Variants in MCC observed in about 807,000 individuals in gnomAD.
The protein encoded by MCC is MCC regulator of Wnt signaling pathway.
MCC carries 90 observed loss-of-function variants against 116.2 expected under a neutral mutation model. The observed-to-expected ratio is 0.77, with a 90% CI of 0.65 to 0.92. The LOEUF (loss-of-function observed/expected upper bound fraction) is 0.92, where lower values mean the gene tolerates loss of function less well. MCC is among the 40% of genes least tolerant of loss of function. The pLI is 0.00. For missense variants in MCC, 1,516 were observed against 1,312.2 expected (o/e 1.16, Z -2.40); for synonymous variants, 578 against 510.5 (o/e 1.13, Z -1.78).
In MCC at chr5:113,275,965, G is replaced by GTTTTTTTTT. The variant is rs1194323460; in HGVS notation, c.627+64553_627+64554insAAAAAAAAA. ...AAACATTCTAAAATTGATTTCACTT[G>GTTTTTTTTT]TTTTGTTTTTTTTTTTTTTTTTTTA... On this transcript the variant is annotated intron_variant, in intron 3 of 18. Coordinates refer to ENST00000408903, the MANE Select transcript of MCC (RefSeq NM_001085377.2). 2.5e-5 allele frequency among the ~76,000 whole-genome samples: 3 copies of GTTTTTTTTT among 121,038 alleles called. 1 individual carries two copies. The highest frequency in any genetic ancestry group is 6.7e-5 in the African/African-American group (2 of 29,736). The allele number at this position is 121,038 out of a possible 152,430, so 79.4% of individuals were successfully genotyped here.
intron 1 of MCC, among the ~76,000 whole-genome samples, chr5:113,466,367 T>C (rs1053784208): frequency 7.9e-6 from 1 of 126,042 alleles, no homozygotes; most frequent in Non-Finnish European, 1.6e-5. Context: ...CGATGTGTGA[T>C]GTTCCCCTTC....
intron 1 of MCC, among the ~76,000 whole-genome samples, chr5:113,400,667 C>T (rs1235258448): frequency 6.6e-6 from 1 of 152,122 alleles, no homozygotes; most frequent in Non-Finnish European, 1.5e-5. Context: ...TCATTTAATT[C>T]TCACAATAGC....
At chr5:113,459,258 G>T (rs1469127085) in intron 1 of MCC, among the ~76,000 whole-genome samples, 2 of 151,726 alleles carry the variant, frequency 1.3e-5, no homozygotes, top group African/African-American at 4.8e-5. Context: ...CACAGGCCAG[G>T]TGCGGTGGCT....
intron 3 of MCC, among the ~76,000 whole-genome samples, chr5:113,297,342 G>C (rs968590236): frequency 6.6e-6 from 1 of 151,988 alleles, no homozygotes; most frequent in African/African-American, 2.4e-5. Flanking sequence ...GTCTCTACTA[G>C]GATCATGAGG....
chr5:113,254,489 GAC>G lies in MCC; in HGVS notation c.627+86028_627+86029del, dbSNP rs575133670. ...TAAATTATAGTTTTGAGAGAATGAA[GAC>G]AAATATTACTTCTGTAAATGAGAAA... is the stretch of plus-strand genomic sequence containing the variant. On this transcript the variant is annotated intron_variant, in intron 3 of 18. Coordinates refer to ENST00000408903, the MANE Select transcript of MCC (RefSeq NM_001085377.2). Among the ~76,000 whole-genome samples the G allele has an allele frequency of 1.4e-4, 21 of 152,258 alleles. No individual in the cohort carries two copies. The South Asian group carries it at 4.4e-3, about 32-fold the overall frequency.
chr5:113,095,452 T>A (rs943739849), intron 8 of MCC, among the ~76,000 whole-genome samples: 2 of 152,174 alleles, frequency 1.3e-5, no homozygotes, highest in Non-Finnish European at 2.9e-5. Context: ...AAAATGTGCA[T>A]AAATCATCAC....
intron 3 of MCC, among the ~76,000 whole-genome samples, chr5:113,161,618 T>TTA (rs1554060606): frequency 5.2e-5 from 6 of 115,252 alleles, no homozygotes; most frequent in African/African-American, 1.8e-4. Flanking sequence ...AGGTTTAGAT[T>TTA]TATGTGTGTG....
At chr5:113,231,288 T>C (rs1270118477) in intron 3 of MCC, among the ~76,000 whole-genome samples, 1 of 152,182 alleles carries the variant, frequency 6.6e-6, no homozygotes, top group Admixed American at 6.5e-5. Context: ...AATTTCTTAA[T>C]GTCACACTTC....
chr5:113,292,997 G>C (rs1406060153), intron 3 of MCC, among the ~76,000 whole-genome samples: 2 of 152,094 alleles, frequency 1.3e-5, no homozygotes, highest in Admixed American at 6.6e-5. Flanking sequence ...CTCACTCTCA[G>C]CATTTCTTGA....
intron 3 of MCC, among the ~76,000 whole-genome samples, chr5:113,326,618 T>C (rs1354284882): frequency 6.6e-6 from 1 of 152,236 alleles, no homozygotes; most frequent in Non-Finnish European, 1.5e-5. Flanking sequence ...ATGCGAATTT[T>C]GGAGGGGACA....
chr5:113,036,096 T>C (rs1356875691), intron 17 of MCC, among the ~76,000 whole-genome samples: 1 of 128,244 alleles, frequency 7.8e-6, no homozygotes, highest in African/African-American at 3.0e-5. Flanking sequence ...AGTGCAGTGG[T>C]GCGATCTTGG....
intron 4 of MCC, among the ~76,000 whole-genome samples, chr5:113,146,685 G>C (rs1367818094): frequency 2.6e-5 from 4 of 152,186 alleles, no homozygotes; most frequent in Non-Finnish European, 5.9e-5. Flanking sequence ...AGCGGCCTCT[G>C]GGACCAAAGG....
chr5:113,023,933 CT>C lies in MCC; in HGVS notation c.*3368del, dbSNP rs1750344155. On this transcript the variant is annotated 3_prime_UTR_variant, in exon 19 of 19. Transcript: ENST00000408903. Reference sequence around the variant, plus strand: ...ATGCCAGGGACACAGGCAGTCCAATCTTGATCGGGTAACTACGGTGCACTTT... The same window carrying C: ...ATGCCAGGGACACAGGCAGTCCAATCTGATCGGGTAACTACGGTGCACTTT... 1 of 152,200 alleles carries C rather than the reference CT, an allele frequency of 6.6e-6. No homozygotes were observed. The highest frequency in any genetic ancestry group is 1.5e-5 in the Non-Finnish European group (1 of 68,034). The allele number at this position is 152,200 out of a possible 1,614,324, so 9.4% of individuals were successfully genotyped here. A position where few individuals can be genotyped will look rare whatever the true frequency, so the allele number is the denominator to read the frequency against.
chr5:113,312,507 A>T (rs1767160213), intron 3 of MCC, among the ~76,000 whole-genome samples: 1 of 152,174 alleles, frequency 6.6e-6, no homozygotes, highest in Admixed American at 6.5e-5. Flanking sequence ...AAGGCCCTGT[A>T]GGGAAGGAGT....
chr5:113,375,921 T>A (rs889702800), intron 2 of MCC, among the ~76,000 whole-genome samples: 1 of 152,204 alleles, frequency 6.6e-6, no homozygotes, highest in Non-Finnish European at 1.5e-5. Flanking sequence ...ATTGTGGCCA[T>A]GTTTTTCAAT....
chr5:113,138,606 A>T (rs1224255980), intron 5 of MCC, among the ~76,000 whole-genome samples: 2 of 152,092 alleles, frequency 1.3e-5, no homozygotes, highest in Admixed American at 6.5e-5. Flanking sequence ...TGAGAAATAC[A>T]TTTCTGTTGT....
At chr5:113,240,126 G>C (rs566865510) in intron 3 of MCC, among the ~76,000 whole-genome samples, 1 of 152,016 alleles carries the variant, frequency 6.6e-6, no homozygotes, top group African/African-American at 2.4e-5. Context: ...CTGTCATGTC[G>C]GTCTCTCCCA....
chr5:113,334,443 C>G (rs993853305), intron 3 of MCC, among the ~76,000 whole-genome samples: 1 of 150,946 alleles, frequency 6.6e-6, no homozygotes, highest in African/African-American at 2.5e-5. Flanking sequence ...CGGGTTCACG[C>G]GATCTGCCCA....
At chr5:113,453,967 G>A (rs183333583) in intron 1 of MCC, among the ~76,000 whole-genome samples, 17 of 152,158 alleles carry the variant, frequency 1.1e-4, no homozygotes, top group African/African-American at 3.1e-4. Flanking sequence ...AAAATTAGCC[G>A]GGTGTGATGG....
Sources: gnomAD v4.1 joint callset for allele counts (sites outside exome capture counted in the v4.1 genomes callset) on GRCh38, gnomAD v4.1.1 for gene constraint, MANE v1.5 for transcripts, NCBI Gene and HGNC (gene_info 2026-07-23, HGNC 2026-07-21) for gene names.